CNTNAP2: variants seen among roughly 807,000 people sequenced by gnomAD.
The protein encoded by CNTNAP2 is contactin associated protein 2.
In CNTNAP2, 98 loss-of-function variants were observed where a neutral mutation model predicts 155.2. The ratio of observed to expected loss-of-function variants is 0.63; its 90% confidence interval spans 0.54 to 0.75. CNTNAP2 has a LOEUF of 0.75. Ranked by LOEUF, CNTNAP2 falls within the 30% of genes least tolerant of loss-of-function variation. The pLI, the probability that CNTNAP2 is intolerant of heterozygous loss-of-function variation, is 0.00. For synonymous variants in CNTNAP2, 651 were observed against 631.2 expected, an observed-to-expected ratio of 1.03 and a Z score of -0.47; for missense variants, 1,727 against 1,688.1, an observed-to-expected ratio of 1.02 and a Z score of -0.40.
At chr7:148,261,121 A>T (rs1008953924) in intron 20 of CNTNAP2, among the ~76,000 whole-genome samples, 2 of 152,102 alleles carry the variant, frequency 1.3e-5, no homozygotes, top group East Asian at 3.9e-4. Flanking sequence ...TCCTGCTTTC[A>T]GGAAGAAAAG....
At chr7:147,550,896 C>T (rs1799839528) in intron 11 of CNTNAP2, among the ~76,000 whole-genome samples, 1 of 152,106 alleles carries the variant, frequency 6.6e-6, no homozygotes, top group Admixed American at 6.5e-5. Context: ...TGTACTTAAA[C>T]CACAATGCTG....
intron 8 of CNTNAP2, among the ~76,000 whole-genome samples, chr7:147,283,945 T>G (rs1805113504): frequency 6.6e-6 from 1 of 151,748 alleles, no homozygotes; most frequent in African/African-American, 2.4e-5. Flanking sequence ...CTTCCCATCT[T>G]CCCTTTACTA....
chr7:147,981,857 A>T (rs1287610226), intron 15 of CNTNAP2, among the ~76,000 whole-genome samples: 1 of 148,160 alleles, frequency 6.7e-6, no homozygotes, highest in African/African-American at 2.5e-5. Context: ...TGCAAAGCCT[A>T]TCCAAATGGA....
intron 1 of CNTNAP2, among the ~76,000 whole-genome samples, chr7:146,734,276 G>T (rs568894731): frequency 3.9e-5 from 6 of 152,178 alleles, no homozygotes; most frequent in Non-Finnish European, 7.4e-5. Context: ...GCTATATATT[G>T]TTGAGCTGTT....
chr7:146,527,758 G>A (rs1339504942), intron 1 of CNTNAP2, among the ~76,000 whole-genome samples: 6 of 151,932 alleles, frequency 3.9e-5, no homozygotes, highest in East Asian at 1.9e-4. Context: ...TATTCGACAA[G>A]TGGATAATGT....
At chr7:147,446,664 A>G (rs1408480850) in intron 10 of CNTNAP2, among the ~76,000 whole-genome samples, 2 of 152,218 alleles carry the variant, frequency 1.3e-5, no homozygotes, top group East Asian at 1.9e-4. Flanking sequence ...ACATTATTGA[A>G]TTAGACTAAG....
chr7:146,419,392 C>G (rs1197201300), intron 1 of CNTNAP2, among the ~76,000 whole-genome samples: 1 of 151,982 alleles, frequency 6.6e-6, no homozygotes, highest in Non-Finnish European at 1.5e-5. Flanking sequence ...CACAGCCAAA[C>G]CATATCACCT....
intron 21 of CNTNAP2, among the ~76,000 whole-genome samples, chr7:148,345,397 C>G (rs963196380): frequency 4.6e-5 from 7 of 152,118 alleles, no homozygotes; most frequent in Non-Finnish European, 8.8e-5. Flanking sequence ...GAGCCTTGCT[C>G]TGTCACCCAG....
At chr7:148,197,212 G>A (rs1795293129) in intron 18 of CNTNAP2, among the ~76,000 whole-genome samples, 2 of 152,036 alleles carry the variant, frequency 1.3e-5, no homozygotes, top group Admixed American at 1.3e-4. Flanking sequence ...CGAAAAATAT[G>A]TTTTTACATA....
intron 1 of CNTNAP2, among the ~76,000 whole-genome samples, chr7:146,438,805 A>C (rs917022153): frequency 6.6e-6 from 1 of 151,552 alleles, no homozygotes; most frequent in Non-Finnish European, 1.5e-5. Context: ...ATATCTCAAA[A>C]CATTTAGAGT....
intron 1 of CNTNAP2, among the ~76,000 whole-genome samples, chr7:146,715,320 G>A (rs965329968): frequency 5.9e-5 from 9 of 152,064 alleles, no homozygotes; most frequent in Admixed American, 4.6e-4. Context: ...CAACAAGAGC[G>A]AAACTCCATC....
intron 21 of CNTNAP2, among the ~76,000 whole-genome samples, chr7:148,347,261 A>G (rs546703522): frequency 6.6e-6 from 1 of 152,208 alleles, no homozygotes; most frequent in South Asian, 2.1e-4. Flanking sequence ...CGTCTCAAAA[A>G]AAAAAAAAAG....
chr7:146,815,287 T>C (rs1306451922), intron 2 of CNTNAP2, among the ~76,000 whole-genome samples: 1 of 152,206 alleles, frequency 6.6e-6, no homozygotes, highest in Non-Finnish European at 1.5e-5. Flanking sequence ...ATAAATCTAA[T>C]ATATTTGTAA....
intron 13 of CNTNAP2, among the ~76,000 whole-genome samples, chr7:147,721,358 T>A (rs904373766): frequency 2.6e-5 from 4 of 152,104 alleles, no homozygotes; most frequent in African/African-American, 9.7e-5. Context: ...GGGTTTGCAG[T>A]TTTCAATCAC....
At chr7:146,203,957 C>T (rs570736506) in intron 1 of CNTNAP2, among the ~76,000 whole-genome samples, 22 of 152,110 alleles carry the variant, frequency 1.4e-4, no homozygotes, top group East Asian at 7.7e-4. Context: ...TCCTTTAATT[C>T]GTAAATTATA....
chr7:147,532,644 A>T (rs951931861), intron 11 of CNTNAP2, among the ~76,000 whole-genome samples: 5 of 152,220 alleles, frequency 3.3e-5, no homozygotes, highest in African/African-American at 1.2e-4. Flanking sequence ...CATACCTGAC[A>T]CTGGGAAGAA....
chr7:147,394,073 G>A (rs1796768397), intron 9 of CNTNAP2, among the ~76,000 whole-genome samples: 1 of 151,964 alleles, frequency 6.6e-6, no homozygotes, highest in South Asian at 2.1e-4. Flanking sequence ...CATAATCCCT[G>A]TATGTCATGG....
chr7:147,315,455 T>C (rs1469669113), intron 9 of CNTNAP2, among the ~76,000 whole-genome samples: 1 of 148,532 alleles, frequency 6.7e-6, no homozygotes, highest in Non-Finnish European at 1.5e-5. Flanking sequence ...ACTTCCTGTC[T>C]CTATGGATTT....
chr7:147,001,136 A>C (rs1224861587), intron 3 of CNTNAP2, among the ~76,000 whole-genome samples: 1 of 152,114 alleles, frequency 6.6e-6, no homozygotes, highest in African/African-American at 2.4e-5. Context: ...TGGGAAATGC[A>C]AAAATGTCCG....
Sources: allele counts gnomAD v4.1 joint callset (sites outside exome capture counted in the v4.1 genomes callset), GRCh38; gene constraint gnomAD v4.1.1; transcripts MANE v1.5; gene names NCBI Gene and HGNC (gene_info 2026-07-23, HGNC 2026-07-21).